EXD3: variants seen among roughly 807,000 people sequenced by gnomAD.
EXD3 encodes the protein exonuclease mut-7 homolog.
A neutral mutation model predicts 98.0 loss-of-function variants in EXD3; 92 were observed. That is an observed-to-expected ratio of 0.94 (90% CI 0.79 to 1.12). The LOEUF (loss-of-function observed/expected upper bound fraction) is 1.12, where lower values mean the gene tolerates loss of function less well. Ranked by LOEUF, EXD3 falls within the 50% of genes most tolerant of loss-of-function variation. The pLI, the probability that EXD3 is intolerant of heterozygous loss-of-function variation, is 0.00. For synonymous variants in EXD3, 569 were observed against 526.0 expected (o/e 1.08, Z -1.12); for missense variants, 1,222 against 1,191.6 (o/e 1.03, Z -0.38).
chr9:137,321,165 T>G (rs1832012899), intron 19 of EXD3, among the ~76,000 whole-genome samples: 1 of 152,246 alleles, frequency 6.6e-6, no homozygotes, highest in Non-Finnish European at 1.5e-5. Context: ...TCCTTCCTGC[T>G]TCAATCCCCG....
At chr9:137,399,478 C>T (rs1837382069) in intron 1 of EXD3, among the ~76,000 whole-genome samples, 1 of 152,186 alleles carries the variant, frequency 6.6e-6, no homozygotes, top group Non-Finnish European at 1.5e-5. Context: ...TATTTTGCAA[C>T]CCTCTCACTG....
chr9:137,412,028 G>T (rs369307267), intron 1 of EXD3, among the ~76,000 whole-genome samples: 2 of 152,276 alleles, frequency 1.3e-5, no homozygotes, highest in Non-Finnish European at 1.5e-5. Flanking sequence ...CTGGCACCCC[G>T]ATGGGGGGCT....
intron 19 of EXD3, among the ~76,000 whole-genome samples, chr9:137,319,821 C>T (rs541111684): frequency 7.9e-5 from 12 of 152,356 alleles, no homozygotes; most frequent in African/African-American, 2.2e-4. Flanking sequence ...CTGGCCCCAT[C>T]GCACTGGCCC....
intron 7 of EXD3, among the ~76,000 whole-genome samples, chr9:137,361,327 C>A (rs968994843): frequency 1.1e-5 from 1 of 87,226 alleles, no homozygotes; most frequent in Middle Eastern, 8.8e-3. Context: ...GAACACATTA[C>A]AGGGAAAAGT....
intron 7 of EXD3, among the ~76,000 whole-genome samples, chr9:137,359,716 T>G (rs1377228803): frequency 1.2e-5 from 1 of 85,960 alleles, no homozygotes; most frequent in African/African-American, 3.2e-5. Context: ...GGATCTGGCT[T>G]CTTCCATGCA....
At chr9:137,386,043 C>T (rs1836574300) in intron 2 of EXD3, among the ~76,000 whole-genome samples, 1 of 152,044 alleles carries the variant, frequency 6.6e-6, no homozygotes, top group Admixed American at 6.5e-5. Context: ...CACTTGTAAT[C>T]CCAGCACTTT....
intron 19 of EXD3, among the ~76,000 whole-genome samples, chr9:137,317,454 G>A (rs1831746071): frequency 6.6e-6 from 1 of 152,134 alleles, no homozygotes; most frequent in Non-Finnish European, 1.5e-5. Flanking sequence ...TGGCCCTCTG[G>A]TCCTCAGGCA....
At chr9:137,391,637 G>T (rs1836917653) in intron 2 of EXD3, among the ~76,000 whole-genome samples, 1 of 132,168 alleles carries the variant, frequency 7.6e-6, no homozygotes, top group Non-Finnish European at 1.6e-5. Context: ...CGGCCTCCCT[G>T]CCCCGCCCCG....
intron 19 of EXD3, among the ~76,000 whole-genome samples, chr9:137,313,076 AG>A (rs1222486470): frequency 1.3e-5 from 2 of 152,256 alleles, no homozygotes; most frequent in South Asian, 4.1e-4. Flanking sequence ...AGCTGCACAT[AG>A]CCCCTGCACA....
At position 137,349,311 on chromosome 9, in the gene EXD3, G is replaced by T. The variant is rs77484137; in HGVS notation, c.1658-29C>A. 1.8e-3 allele frequency: 2,809 copies of T among 1,552,524 alleles called. 30 individuals carry two copies. The African/African-American group carries it at 0.025, about 14-fold the overall frequency. On this transcript the variant is annotated intron_variant, in intron 15 of 21. Transcript: ENST00000340951. This position sits in a 1 kb window ranked among gnomAD's most constrained non-coding sequence, Gnocchi z 7.4. Reference sequence around the variant, plus strand: ...TGTGGGGAGTCGGCCTCAGCCTCCCGGGACAGAGGGCGGGAGGGGCGTGAG... The same window carrying T: ...TGTGGGGAGTCGGCCTCAGCCTCCCTGGACAGAGGGCGGGAGGGGCGTGAG...
chr9:137,358,178 C>T (rs1351202731), intron 7 of EXD3, among the ~76,000 whole-genome samples: 6 of 152,156 alleles, frequency 3.9e-5, no homozygotes, highest in African/African-American at 1.2e-4. Context: ...GTGTGGCTGG[C>T]GAGAGGCCCC....
chr9:137,402,524 A>G (rs1351256587), intron 1 of EXD3, among the ~76,000 whole-genome samples: 2 of 152,126 alleles, frequency 1.3e-5, no homozygotes, highest in Non-Finnish European at 2.9e-5. Flanking sequence ...TCCATTTGAG[A>G]CCATCTCAGC....
At chr9:137,374,778 A>G (rs1043336493) in intron 3 of EXD3, 4 of 985,494 alleles carry the variant, frequency 4.1e-6, no homozygotes, top group Non-Finnish European at 4.8e-6. Context: ...GAAGAAAAGG[A>G]AAGCCGCCCT....
chr9:137,307,222 G>C lies in EXD3; in HGVS notation c.2359C>G (p.Arg787Gly). The change falls in exon 22 of 22, where the codon CGC becomes GGC. Residue 787 changes from arginine (R) to glycine (G), a missense_variant. Arg to Gly is a moderately radical substitution (Grantham distance 125, BLOSUM62 -2). Transcript: ENST00000340951. ...DAAPEGCTYDRPCRWLQMADL... is the reference protein window; with the variant it reads ...DAAPEGCTYDGPCRWLQMADL... Reference sequence around the variant, plus strand: ...GCCATCTGCAGCCAGCGGCAGGGGCGGTCATAGGTGCAGCCCTCAGGGGCT... The same window carrying C: ...GCCATCTGCAGCCAGCGGCAGGGGCCGTCATAGGTGCAGCCCTCAGGGGCT... The C allele has an allele frequency of 6.4e-7, 1 of 1,571,980 alleles. No individual in the cohort carries two copies.
At chr9:137,365,103 G>T (rs1056570411) in intron 7 of EXD3, 1 of 150,342 alleles carries the variant, frequency 6.7e-6, no homozygotes, top group African/African-American at 2.5e-5. Flanking sequence ...TAATAGGATC[G>T]ATGGCAACCG....
rs969478546 is a variant in EXD3, at chr9:137,332,333, T to G, written c.1999-8190A>C. Among the ~76,000 whole-genome samples, 4 of 152,302 alleles carry G rather than the reference T, an allele frequency of 2.6e-5. No individual in the cohort carries two copies. The South Asian group carries it at 8.3e-4, about 32-fold the overall frequency. ...GGCCGGGCGCAGTGGCTCACGCCTG[T>G]AATCCCAGGACTTTGGGAGGCCGAG... On this transcript the variant is annotated intron_variant, in intron 17 of 21. Coordinates refer to ENST00000340951, the MANE Select transcript of EXD3 (RefSeq NM_017820.5).
At chr9:137,313,456 G>T (rs1184082305) in intron 19 of EXD3, among the ~76,000 whole-genome samples, 1 of 152,166 alleles carries the variant, frequency 6.6e-6, no homozygotes. Flanking sequence ...TGGCCTGAGG[G>T]GTTTCTGCTC....
chr9:137,365,722 A>G (rs180704671), intron 7 of EXD3: 474 of 310,066 alleles, frequency 1.5e-3, no homozygotes, highest in African/African-American at 9.8e-3. Context: ...ACACACACAT[A>G]CAAACACACA....
At chr9:137,322,657 AC>A (rs1481251681) in intron 19 of EXD3, among the ~76,000 whole-genome samples, 1 of 110,792 alleles carries the variant, frequency 9.0e-6, no homozygotes, top group Non-Finnish European at 1.8e-5. Context: ...CTCACCCCGG[AC>A]CCCCGAGGGA....
Sources: gnomAD v4.1 joint callset for allele counts (sites outside exome capture counted in the v4.1 genomes callset) on GRCh38, gnomAD v4.1.1 for gene constraint, Gnocchi (gnomAD v3.1) non-coding constraint, MANE v1.5 for transcripts, NCBI Gene and HGNC (gene_info 2026-07-23, HGNC 2026-07-21) for gene names.